The following ENPEP variants were observed in gnomAD, a reference collection of about 807,000 sequenced individuals.
ENPEP encodes the protein AP-A.
Under a neutral mutation model 114.5 loss-of-function variants are expected in ENPEP, and 103 were observed. The ratio of observed to expected loss-of-function variants is 0.90; its 90% CI spans 0.77 to 1.06. The LOEUF is 1.06. Among genes scored for constraint, ENPEP ranks in the 50% least tolerant of loss-of-function variants. ENPEP has a pLI of 0.00. For missense variants in ENPEP, 1,196 were observed against 1,161.3 expected (o/e 1.03, Z -0.43); for synonymous variants, 420 against 422.0 (o/e 1.00, Z 0.06).
In ENPEP at chr4:110,564,506, A is replaced by C. The variant is rs536274529; in HGVS notation, c.*2948A>C. On this transcript the variant is annotated 3_prime_UTR_variant, in exon 20 of 20. Coordinates refer to ENST00000265162, the MANE Select transcript of ENPEP (RefSeq NM_001977.4). ...CATGTAAAGGACATACGTATAGGAAATAACAATCACTCAATAAGTGTTAGC... is the reference window on the plus strand; with the variant it reads ...CATGTAAAGGACATACGTATAGGAACTAACAATCACTCAATAAGTGTTAGC... The C allele has an allele frequency of 1.3e-5, 2 of 152,224 alleles. No homozygotes were observed. Among genetic ancestry groups the C allele is most frequent in the Non-Finnish European group, 2.9e-5 (2 of 68,036 alleles). The allele number at this position is 152,224 out of a possible 1,614,324, so 9.4% of individuals were successfully genotyped here.
chr4:110,528,317 G>C (rs1726274710), intron 10 of ENPEP, among the ~76,000 whole-genome samples: 1 of 152,144 alleles, frequency 6.6e-6, no homozygotes, highest in African/African-American at 2.4e-5. Flanking sequence ...AAATAAGAAA[G>C]AACCATTATA....
rs139524892 is a variant in ENPEP, at chr4:110,511,049, A to G, written c.1308+691A>G. Among the ~76,000 whole-genome samples, 826 of 152,270 alleles carry G rather than the reference A, an allele frequency of 5.4e-3. 4 individuals carry two copies. The highest frequency in any genetic ancestry group is 0.019 in the African/African-American group (776 of 41,550). ...AAAGCTAGGTATAGTTGTTATTTAT[A>G]TTTATATCATGGGAGTATTCTTGAT... On this transcript the variant is annotated intron_variant, in intron 6 of 19. Coordinates refer to ENST00000265162, the MANE Select transcript of ENPEP (RefSeq NM_001977.4).
intron 2 of ENPEP, among the ~76,000 whole-genome samples, chr4:110,488,968 G>A (rs1163043849): frequency 6.6e-6 from 1 of 152,178 alleles, no homozygotes; most frequent in Admixed American, 6.5e-5. Context: ...GGATCCCTGA[G>A]TCGTGACAGA....
At chr4:110,549,496 G>C in intron 15 of ENPEP, 32 bp from the exon 16 acceptor site, 1 of 1,612,820 alleles carries the variant, frequency 6.2e-7, no homozygotes, top group Middle Eastern at 1.7e-4. Flanking sequence ...AAGTGCTTAA[G>C]GCCCTGGATT....
chr4:110,489,693 G>C (rs1259081278), intron 2 of ENPEP, among the ~76,000 whole-genome samples: 1 of 151,960 alleles, frequency 6.6e-6, no homozygotes, highest in Non-Finnish European at 1.5e-5. Flanking sequence ...CCCTATAATG[G>C]ATAATGTTGT....
intron 18 of ENPEP, among the ~76,000 whole-genome samples, chr4:110,558,032 A>ATTTTCTTTTT (rs1727539746): frequency 9.7e-6 from 1 of 103,210 alleles, no homozygotes; most frequent in Admixed American, 1.2e-4. Context: ...ATATGGTAGG[A>ATTTTCTTTTT]TTTTTTTTTT....
chr4:110,535,878 T>A (rs1001198425), intron 11 of ENPEP, among the ~76,000 whole-genome samples: 2 of 152,184 alleles, frequency 1.3e-5, no homozygotes, highest in Non-Finnish European at 2.9e-5. Flanking sequence ...CAAGACCCTC[T>A]ATCAGTAAAA....
At chr4:110,541,955 GTC>G (rs1000097566) in intron 11 of ENPEP, among the ~76,000 whole-genome samples, 15 of 152,222 alleles carry the variant, frequency 9.9e-5, no homozygotes, top group African/African-American at 3.6e-4. Context: ...TAAAACATAA[GTC>G]TCTGCTCCTT....
In ENPEP at chr4:110,491,119, A is replaced by G. The variant is rs1229425049; in HGVS notation, c.873A>G (p.Val291=). 6.2e-7 allele frequency: 1 copy of G among 1,612,046 alleles called. No individual in the cohort carries two copies. The highest frequency in any genetic ancestry group is 8.5e-7 in the Non-Finnish European group (1 of 1,179,852). ...PMSTYLVCFA[V]HQFDSVKRIS... is the part of the protein sequence containing the mutation. ...GCACGTACCTGGTGTGCTTTGCTGTACATCAATTTGACTCTGTAAAGAGAA... is the reference window on the plus strand; with the variant it reads ...GCACGTACCTGGTGTGCTTTGCTGTGCATCAATTTGACTCTGTAAAGAGAA... The change falls in exon 3 of 20, where the codon GTA becomes GTG. Residue 291 remains valine (V), a synonymous_variant. Coordinates refer to ENST00000265162, the MANE Select transcript of ENPEP (RefSeq NM_001977.4).
chr4:110,483,219 C>A (rs1471145276), intron 1 of ENPEP, among the ~76,000 whole-genome samples: 1 of 151,990 alleles, frequency 6.6e-6, no homozygotes, highest in Non-Finnish European at 1.5e-5. Context: ...GAGGTCTGAA[C>A]AATCTAGAGG....
At chr4:110,542,913 T>G (rs773358418) in intron 12 of ENPEP, 26 bp downstream of exon 12, 1 of 1,610,432 alleles carries the variant, frequency 6.2e-7, no homozygotes, top group African/African-American at 1.3e-5. Context: ...GGTTGGAAAC[T>G]TTTATTTTTG....
chr4:110,527,448 G>C (rs1185779359), intron 10 of ENPEP, among the ~76,000 whole-genome samples: 1 of 152,128 alleles, frequency 6.6e-6, no homozygotes, highest in Non-Finnish European at 1.5e-5. Context: ...CCTTCAGGGA[G>C]TGTCTGTATA....
chr4:110,504,741 A>C (rs1725306589), intron 3 of ENPEP, among the ~76,000 whole-genome samples: 1 of 152,356 alleles, frequency 6.6e-6, no homozygotes, highest in Middle Eastern at 3.4e-3. Context: ...AGAAATACAA[A>C]AAAAGAAAAA....
At position 110,559,916 on chromosome 4, in the gene ENPEP, T is replaced by A. The variant is rs370007468; in HGVS notation, c.2721+191T>A. ...GGTTTTAAGCCCCGCATGTGTTAGG[T>A]ATTTGTCCTAATGCTCTCCCTCCCC... On this transcript the variant is annotated intron_variant, in intron 19 of 19. Coordinates refer to ENST00000265162, the MANE Select transcript of ENPEP (RefSeq NM_001977.4). Among the ~76,000 whole-genome samples the A allele has an allele frequency of 3.3e-4, 51 of 152,286 alleles. 2 individuals are homozygous for A. Among genetic ancestry groups the A allele is most frequent in the East Asian group, 1.3e-3 (7 of 5,186 alleles).
intron 8 of ENPEP, among the ~76,000 whole-genome samples, chr4:110,518,339 A>C (rs530913829): frequency 2.0e-5 from 3 of 152,330 alleles, no homozygotes; most frequent in Admixed American, 6.5e-5. Context: ...GGAATGGGTC[A>C]GCTGGAAAAT....
At chr4:110,513,371 A>C in intron 6 of ENPEP, 44 bp from the exon 7 acceptor site, 1 of 1,579,006 alleles carries the variant, frequency 6.3e-7, no homozygotes. Flanking sequence ...ATAAACTAGT[A>C]TAAAGGAAAT....
intron 1 of ENPEP, among the ~76,000 whole-genome samples, chr4:110,479,839 T>C: frequency 6.6e-6 from 1 of 152,080 alleles, no homozygotes; most frequent in East Asian, 1.9e-4. Flanking sequence ...ATTTATAAAA[T>C]AATAAAATAA....
intron 1 of ENPEP, among the ~76,000 whole-genome samples, chr4:110,484,420 T>C (rs1724425042): frequency 6.6e-6 from 1 of 152,012 alleles, no homozygotes; most frequent in South Asian, 2.1e-4. Context: ...CTCTGAACTT[T>C]AAAAAAGAAA....
chr4:110,488,057 A>G (rs1466490678), intron 1 of ENPEP, among the ~76,000 whole-genome samples: 1 of 152,214 alleles, frequency 6.6e-6, no homozygotes, highest in Non-Finnish European at 1.5e-5. Flanking sequence ...CATTAGGGAC[A>G]GGGACTGGGG....
Sources: allele counts gnomAD v4.1 joint callset (sites outside exome capture counted in the v4.1 genomes callset), GRCh38; gene constraint gnomAD v4.1.1; transcripts MANE v1.5; gene names NCBI Gene and HGNC (gene_info 2026-07-23, HGNC 2026-07-21).